Variants in CKAP4 observed in about 807,000 individuals in gnomAD.
CKAP4 encodes cytoskeleton associated protein 4.
A neutral mutation model predicts 24.4 loss-of-function variants in CKAP4; 20 were observed. That is an observed-to-expected ratio of 0.82 (90% confidence interval 0.58 to 1.19). CKAP4 has a LOEUF of 1.19. Ranked by LOEUF, CKAP4 falls within the 50% of genes most tolerant of loss-of-function variation. The pLI is 0.00. For missense variants in CKAP4, 744 were observed against 765.3 expected, an observed-to-expected ratio of 0.97 and a Z score of 0.33; for synonymous variants, 378 against 351.7, an observed-to-expected ratio of 1.07 and a Z score of -0.84.
In CKAP4 at chr12:106,247,392, C is replaced by A; in HGVS notation, c.460G>T (p.Gly154Cys). ...ACCTTCTGCTCGACGCCCTGCAAGC[C>A]CTGGCCCAGCTCCTCCCTCTGCCGG... The part of the protein sequence containing the change: ...FSRQREELGQ[G>C]LQGVEQKVQS... The change falls in exon 1 of 2, where the codon GGC becomes TGC. Residue 154 changes from glycine (G) to cysteine (C), a missense_variant. Gly to Cys is a radical substitution (Grantham distance 159). Coordinates refer to ENST00000378026, the MANE Select transcript of CKAP4 (RefSeq NM_006825.4). This position sits in a 1 kb window ranked among gnomAD's most constrained non-coding sequence, Gnocchi z 4.5. 3 of 1,540,274 alleles carry A rather than the reference C, an allele frequency of 1.9e-6. No homozygotes were observed. Among genetic ancestry groups the A allele is most frequent in the Non-Finnish European group, 2.6e-6 (3 of 1,146,344 alleles).
chr12:106,247,660 G>T lies in CKAP4; in HGVS notation c.192C>A (p.His64Gln). The T allele has an allele frequency of 9.0e-7, 1 of 1,108,276 alleles. No homozygotes were observed. Among genetic ancestry groups the T allele is most frequent in the Non-Finnish European group, 1.1e-6 (1 of 888,484 alleles). The allele number at this position is 1,108,276 out of a possible 1,614,324, so 68.7% of individuals were successfully genotyped here. Residue 64 changes from histidine to glutamine, a missense_variant, in exon 1 of 2, where the codon CAC becomes CAA. Physicochemically the swap from His to Gln is conservative, Grantham distance 24 (BLOSUM62 0). Around this residue, in one of 3 missense-constraint regions of CKAP4, gnomAD observed 300 missense variants for 264.5 expected, o/e 1.13. Coordinates refer to ENST00000378026, the MANE Select transcript of CKAP4 (RefSeq NM_006825.4). This position sits in a 1 kb window ranked among gnomAD's most constrained non-coding sequence, Gnocchi z 4.5. ...CGCCGCCGCGGTGGCCGCCCTTGCCGTGCGCCTGGTTCTGCGGGTGCTGCT... is the reference window on the plus strand; with the variant it reads ...CGCCGCCGCGGTGGCCGCCCTTGCCTTGCGCCTGGTTCTGCGGGTGCTGCT... ...HPQQHPQNQA[H>Q]GKGGHRGGGG...
rs1344599000 is a variant in CKAP4 at position 106,248,014 on chromosome 12, C to CGAGGAGGCGG, written c.-164_-163insCCGCCTCCTC. The CGAGGAGGCGG allele has an allele frequency of 2.2e-5, 6 of 277,036 alleles. No homozygotes were observed. The highest frequency in any genetic ancestry group is 3.3e-5 in the Non-Finnish European group (6 of 181,244). The allele number at this position is 277,036 out of a possible 1,614,324, so 17.2% of individuals were successfully genotyped here. A position where few individuals can be genotyped will look rare whatever the true frequency, so the allele number is the denominator to read the frequency against. ...GCGCGGCCGGGGAAGGAGGCCGGGCCGAGGAGGCGGGAGGAGGGGGCCTGC... is the reference window on the plus strand; with the variant it reads ...GCGCGGCCGGGGAAGGAGGCCGGGCCGAGGAGGCGGGAGGAGGCGGGAGGAGGGGGCCTGC... On this transcript the variant is annotated 5_prime_UTR_variant, in exon 1 of 2. Coordinates refer to ENST00000378026, the MANE Select transcript of CKAP4 (RefSeq NM_006825.4).
In CKAP4 at chr12:106,239,620, T is replaced by C. The variant is rs374888192; in HGVS notation, c.1213A>G (p.Lys405Glu). 3 of 1,614,030 alleles carry C rather than the reference T, an allele frequency of 1.9e-6. No individual in the cohort carries two copies. The Admixed American group carries it at 5.0e-5, about 27-fold the overall frequency. The change falls in exon 2 of 2, where the codon AAG becomes GAG. Residue 405 changes from lysine (K) to glutamate (E), a missense_variant. Physicochemically the swap from Lys to Glu is moderately conservative, Grantham distance 56 (BLOSUM62 1). Around this residue, in one of 3 missense-constraint regions of CKAP4, gnomAD observed 401 missense variants for 424.5 expected, o/e 0.94. Transcript: ENST00000378026. This position sits in a 1 kb window ranked among gnomAD's most constrained non-coding sequence, Gnocchi z 4.9. ...AGCCTGGAGTCCAGTCCCTGACTCT[T>C]TTGCTGGAGTGCCTCAAAGGCTTCC... ...HSEAFEALQQ[K>E]SQGLDSRLQH...
At position 106,247,570 on chromosome 12, in the gene CKAP4, G is replaced by GGCGGCGGCGGCGGCA. The variant is rs1383394377; in HGVS notation, c.267_281dup (p.Ala90_Ala94dup). ...TGCGCGAGCAGGACGCCGAGGACGA[G>GGCGGCGGCGGCGGCA]GCGGCGGCGGCGGCAGCGGCGGCGG... On this transcript the variant is annotated inframe_insertion, in exon 1 of 2. Coordinates refer to ENST00000378026, the MANE Select transcript of CKAP4 (RefSeq NM_006825.4). The surrounding 1 kb of genome is among the most constrained non-coding windows in gnomAD (Gnocchi z 4.5). 3 of 1,403,238 alleles carry GGCGGCGGCGGCGGCA rather than the reference G, an allele frequency of 2.1e-6. No individual in the cohort carries two copies. Among genetic ancestry groups the GGCGGCGGCGGCGGCA allele is most frequent in the Admixed American group, 2.7e-5 (1 of 36,656 alleles). The allele number at this position is 1,403,238 out of a possible 1,614,324, so 86.9% of individuals were successfully genotyped here. A position where few individuals can be genotyped will look rare whatever the true frequency, so the allele number is the denominator to read the frequency against.
rs1465124257 is a variant in CKAP4 at position 106,238,898 on chromosome 12, G to T, written c.*126C>A. 11 of 922,016 alleles carry T rather than the reference G, an allele frequency of 1.2e-5. No individual in the cohort carries two copies. In the East Asian group the frequency reaches 2.7e-4, roughly 22 times the overall value. The allele number at this position is 922,016 out of a possible 1,614,324, so 57.1% of individuals were successfully genotyped here. A position where few individuals can be genotyped will look rare whatever the true frequency, so the allele number is the denominator to read the frequency against. ...GAAAATACAATGCCTTGGTGTTCAG[G>T]TGGTGACAACTGCTCTTTAAGAGGG... On this transcript the variant is annotated 3_prime_UTR_variant, in exon 2 of 2. Coordinates refer to ENST00000378026, the MANE Select transcript of CKAP4 (RefSeq NM_006825.4).
In CKAP4 at chr12:106,239,201, G is replaced by A. The variant is rs2033941663; in HGVS notation, c.1632C>T (p.Ser544=). Residue 544 remains serine, a synonymous_variant, in exon 2 of 2, where the codon AGC becomes AGT. Transcript: ENST00000378026. This position sits in a 1 kb window ranked among gnomAD's most constrained non-coding sequence, Gnocchi z 4.9. ...GCATTTTCAAGTCCGCCTCCACTTG[G>A]CTGACTGAGGCTTTCAGGTTGTCTA... ...SSLDNLKASV[S]QVEADLKMLR... 6.2e-7 allele frequency: 1 copy of A among 1,613,974 alleles called. No homozygotes were observed. Among genetic ancestry groups the A allele is most frequent in the Admixed American group, 1.7e-5 (1 of 60,004 alleles).
rs1452777200 is a variant in CKAP4 at position 106,247,709 on chromosome 12, G to A, written c.143C>T (p.Ala48Val). Residue 48 changes from alanine (A) to valine (V), a missense_variant, in exon 1 of 2, where the codon GCG becomes GTG. Transcript: ENST00000378026. This position sits in a 1 kb window ranked among gnomAD's most constrained non-coding sequence, Gnocchi z 4.5. ...PAPQQPPPPP[A>V]PHPQQHPQQH... is the part of the protein sequence containing the mutation. Reference sequence around the variant, plus strand: ...CTGCGGGTGCTGCTGCGGGTGCGGCGCGGGCGGCGGCGGCGGCTGCTGCGG... The same window carrying A: ...CTGCGGGTGCTGCTGCGGGTGCGGCACGGGCGGCGGCGGCGGCTGCTGCGG... 3 of 980,558 alleles carry A rather than the reference G, an allele frequency of 3.1e-6. No individual in the cohort carries two copies. Among genetic ancestry groups the A allele is most frequent in the Non-Finnish European group, 3.5e-6 (3 of 851,726 alleles). The allele number at this position is 980,558 out of a possible 1,614,324, so 60.7% of individuals were successfully genotyped here.
rs199595372 is a variant in CKAP4 at position 106,240,086 on chromosome 12, G to A, written c.747C>T (p.Asn249=). 6.8e-6 allele frequency: 11 copies of A among 1,614,124 alleles called. No homozygotes were observed. The highest frequency in any genetic ancestry group is 2.2e-5 in the East Asian group (1 of 44,862). Residue 249 remains asparagine, a synonymous_variant, in exon 2 of 2, where the codon AAC becomes AAT. Transcript: ENST00000378026. ...ERLTELTKSI[N]DNIAIFTEVQ... ...CTTCTGTGAAGATGGCGATGTTGTC[G>A]TTGATGGATTTGGTGAGCTCCGTCA...
In CKAP4 at chr12:106,237,992, G is replaced by GTTTTTTTTTTTTTTTTTTTTTTTTT; in HGVS notation, c.*1031_*1032insAAAAAAAAAAAAAAAAAAAAAAAAA. 4.3e-5 allele frequency: 3 copies of GTTTTTTTTTTTTTTTTTTTTTTTTT among 70,512 alleles called. No homozygotes were observed. The highest frequency in any genetic ancestry group is 7.2e-5 in the Non-Finnish European group (3 of 41,606). 4.4% of individuals were successfully genotyped at this position (70,512 alleles called of 1,614,324 possible). A position where few individuals can be genotyped will look rare whatever the true frequency, so the allele number is the denominator to read the frequency against. On this transcript the variant is annotated 3_prime_UTR_variant, in exon 2 of 2. Transcript: ENST00000378026. Reference sequence around the variant, plus strand: ...TTTTTTTTTTTTTTTTACTTTTCGGGTTTTTTTTTTTTTTTTTTTTTCAAT... The same window carrying GTTTTTTTTTTTTTTTTTTTTTTTTT: ...TTTTTTTTTTTTTTTTACTTTTCGGGTTTTTTTTTTTTTTTTTTTTTTTTTTTTTTTTTTTTTTTTTTTTTTCAAT...
Position 106,239,041 on chromosome 12 carries a change from T to C in CKAP4, c.1792A>G (p.Ile598Val). The part of the protein sequence containing the change: ...LDRLFVKVEK[I>V]HEKV Reference sequence around the variant, plus strand: ...CAATTCATTTAGACCTTTTCGTGAATCTTCTCCACTTTCACAAACAACCTA... The same window carrying C: ...CAATTCATTTAGACCTTTTCGTGAACCTTCTCCACTTTCACAAACAACCTA... Residue 598 changes from isoleucine (I) to valine (V), a missense_variant, in exon 2 of 2, where the codon ATT (isoleucine) becomes GTT (valine). Physicochemically the swap from Ile to Val is conservative, Grantham distance 29. Around this residue, in one of 3 missense-constraint regions of CKAP4, gnomAD observed 401 missense variants for 424.5 expected, o/e 0.94. Coordinates refer to ENST00000378026, the MANE Select transcript of CKAP4 (RefSeq NM_006825.4). The surrounding 1 kb of genome is among the most constrained non-coding windows in gnomAD (Gnocchi z 4.9). 1 of 1,613,458 alleles carries C rather than the reference T, an allele frequency of 6.2e-7. No homozygotes were observed. Among genetic ancestry groups the C allele is most frequent in the Non-Finnish European group, 8.5e-7 (1 of 1,179,468 alleles).
chr12:106,238,065 G>C lies in CKAP4; in HGVS notation c.*959C>G, dbSNP rs2033924055. On this transcript the variant is annotated 3_prime_UTR_variant, in exon 2 of 2. Transcript: ENST00000378026. The stretch of plus-strand genomic sequence containing the variant: ...CCATTAAAGAACAATACAGCTCAGA[G>C]GGAAGGGAGATACAGCAAACAATTA... 7.2e-6 allele frequency: 1 copy of C among 138,288 alleles called. No individual in the cohort carries two copies. Among genetic ancestry groups the C allele is most frequent in the East Asian group, 2.2e-4 (1 of 4,528 alleles). 8.6% of individuals were successfully genotyped at this position (138,288 alleles called of 1,614,324 possible).
chr12:106,242,394 C>T (rs572133425), intron 1 of CKAP4, among the ~76,000 whole-genome samples: 1 of 152,042 alleles, frequency 6.6e-6, no homozygotes, highest in East Asian at 1.9e-4. Flanking sequence ...GGGATGTGAA[C>T]AACATCCCTC....
At chr12:106,244,426 G>A (rs549970613) in intron 1 of CKAP4, among the ~76,000 whole-genome samples, 11 of 152,328 alleles carry the variant, frequency 7.2e-5, no homozygotes, top group African/African-American at 2.2e-4. Context: ...TGCCTGGCAC[G>A]TAATAAGTGC....
intron 1 of CKAP4, among the ~76,000 whole-genome samples, chr12:106,244,110 G>A (rs2033988996): frequency 6.6e-6 from 1 of 152,206 alleles, no homozygotes; most frequent in Admixed American, 6.5e-5. Context: ...CCACCCCAAA[G>A]ATACAGACAG....
Position 106,247,404 on chromosome 12 carries a change from C to A in CKAP4, c.448G>T (p.Glu150Ter). 1 of 1,542,646 alleles carries A rather than the reference C, an allele frequency of 6.5e-7. No individual in the cohort carries two copies. Among genetic ancestry groups the A allele is most frequent in the Admixed American group, 1.9e-5 (1 of 51,684 alleles). ...ACGCCCTGCAAGCCCTGGCCCAGCT[C>A]CTCCCTCTGCCGGGAGAAGTCCTGG... ...SHQDFSRQRE[E>*]LGQGLQGVEQ... The change falls in exon 1 of 2, where the codon GAG becomes TAG. Residue 150 changes from glutamate (E) to a stop codon, truncating the protein, a stop_gained. Coordinates refer to ENST00000378026, the MANE Select transcript of CKAP4 (RefSeq NM_006825.4). LOFTEE classifies it high-confidence loss of function. The surrounding 1 kb of genome is among the most constrained non-coding windows in gnomAD (Gnocchi z 4.5).
chr12:106,241,333 T>TC (rs1276628340), intron 1 of CKAP4, among the ~76,000 whole-genome samples: 1 of 144,556 alleles, frequency 6.9e-6, no homozygotes, highest in East Asian at 2.0e-4. Flanking sequence ...CAGGGATTCT[T>TC]TTTTTTTTTT....
intron 1 of CKAP4, 93 bp from the exon 2 acceptor site, chr12:106,240,442 T>A: frequency 7.1e-7 from 1 of 1,400,550 alleles, no homozygotes; most frequent in Non-Finnish European, 9.6e-7. Context: ...CAGGTCCTGT[T>A]TTTTTCCAGA....
rs2033944214 is a variant in CKAP4 at position 106,239,347 on chromosome 12, G to C, written c.1486C>G (p.Leu496Val). Residue 496 changes from leucine (L) to valine (V), a missense_variant, in exon 2 of 2, where the codon CTC becomes GTC. Coordinates refer to ENST00000378026, the MANE Select transcript of CKAP4 (RefSeq NM_006825.4). The surrounding 1 kb of genome is among the most constrained non-coding windows in gnomAD (Gnocchi z 4.9). The part of the protein sequence containing the change: ...VEELKRSVGE[L>V]PSTVESLQKV... Reference sequence around the variant, plus strand: ...TGGAGTGATTCCACGGTGCTGGGGAGCTCGCCCACACTCCTCTTCAGCTCC... The same window carrying C: ...TGGAGTGATTCCACGGTGCTGGGGACCTCGCCCACACTCCTCTTCAGCTCC... 1 of 1,605,842 alleles carries C rather than the reference G, an allele frequency of 6.2e-7. No homozygotes were observed. Among genetic ancestry groups the C allele is most frequent in the Non-Finnish European group, 8.5e-7 (1 of 1,179,492 alleles).
Position 106,247,438 on chromosome 12 carries a change from C to G in CKAP4, c.414G>C (p.Arg138=). The change falls in exon 1 of 2, where the codon CGG becomes CGC. Residue 138 remains arginine (R), a synonymous_variant. Coordinates refer to ENST00000378026, the MANE Select transcript of CKAP4 (RefSeq NM_006825.4). The surrounding 1 kb of genome is among the most constrained non-coding windows in gnomAD (Gnocchi z 4.5). The part of the protein sequence containing the change: ...HHVLEEVQQV[R]RSHQDFSRQR... The stretch of plus-strand genomic sequence containing the variant: ...GCCGGGAGAAGTCCTGGTGGCTGCG[C>G]CGGACCTGCTGGACCTCCTCCAGGA... The G allele has an allele frequency of 6.5e-7, 1 of 1,544,288 alleles. No individual in the cohort carries two copies. The highest frequency in any genetic ancestry group is 1.2e-5 in the South Asian group (1 of 84,110).
Sources: allele counts gnomAD v4.1 joint callset (sites outside exome capture counted in the v4.1 genomes callset), GRCh38; gene constraint gnomAD v4.1.1; regional missense constraint gnomAD v4.1.1; non-coding constraint Gnocchi (gnomAD v3.1); transcripts MANE v1.5; gene names NCBI Gene and HGNC (gene_info 2026-07-23, HGNC 2026-07-21).